Variants in RNGTT observed in about 807,000 individuals in gnomAD.
RNGTT encodes RNA guanylyltransferase and 5'-phosphatase, also known as mRNA-capping enzyme.
A neutral mutation model predicts 79.3 loss-of-function variants in RNGTT; 33 were observed. That is an observed-to-expected ratio of 0.42 (90% CI 0.32 to 0.56). The LOEUF (loss-of-function observed/expected upper bound fraction) is 0.56, where lower values mean the gene tolerates loss of function less well. Among genes scored for constraint, RNGTT ranks in the 20% least tolerant of loss-of-function variants. The pLI is 0.17. For missense variants in RNGTT, 497 were observed against 739.1 expected, an observed-to-expected ratio of 0.67 and a Z score of 3.80; for synonymous variants, 222 against 235.9, an observed-to-expected ratio of 0.94 and a Z score of 0.54.
chr6:88,780,632 C>CA (rs36026829), intron 12 of RNGTT, among the ~76,000 whole-genome samples: 9,723 of 150,590 alleles, frequency 0.065, 1,057 homozygotes, highest in African/African-American at 0.22. Context: ...GGTGAGCTGT[C>CA]AAAAAAAAAC....
intron 14 of RNGTT, among the ~76,000 whole-genome samples, chr6:88,636,559 A>G (rs1356665183): frequency 6.6e-6 from 1 of 151,714 alleles, no homozygotes; most frequent in Non-Finnish European, 1.5e-5. Context: ...GGCTTTAAAT[A>G]TTTTCACCTT....
At chr6:88,626,156 T>C (rs1772625329) in intron 14 of RNGTT, among the ~76,000 whole-genome samples, 1 of 152,048 alleles carries the variant, frequency 6.6e-6, no homozygotes, top group Non-Finnish European at 1.5e-5. Context: ...AAGCATATTG[T>C]ATCCCTACTA....
chr6:88,767,180 T>C (rs1245054661), intron 13 of RNGTT, among the ~76,000 whole-genome samples: 2 of 152,286 alleles, frequency 1.3e-5, no homozygotes, highest in South Asian at 2.1e-4. Flanking sequence ...CATACACTGA[T>C]GTAAATTGCA....
chr6:88,654,190 GT>G, intron 14 of RNGTT, among the ~76,000 whole-genome samples: 1 of 152,242 alleles, frequency 6.6e-6, no homozygotes, highest in African/African-American at 2.4e-5. Context: ...TATCCATAAG[GT>G]TTTCCTTTAA....
chr6:88,896,836 A>G (rs946375415), intron 6 of RNGTT, among the ~76,000 whole-genome samples: 5 of 152,164 alleles, frequency 3.3e-5, no homozygotes, highest in African/African-American at 1.2e-4. Flanking sequence ...AACCTCTATC[A>G]TTATATTGGT....
chr6:88,674,306 C>A (rs369125537), intron 14 of RNGTT, among the ~76,000 whole-genome samples: 3 of 152,028 alleles, frequency 2.0e-5, no homozygotes, highest in African/African-American at 4.8e-5. Context: ...CCGGCACTTT[C>A]GGAGGCTGAG....
In RNGTT at chr6:88,649,088, A is replaced by G. The variant is rs181685244; in HGVS notation, c.1506+29265T>C. Among the ~76,000 whole-genome samples the G allele has an allele frequency of 1.9e-3, 290 of 152,322 alleles. 4 individuals are homozygous for G. Among genetic ancestry groups the G allele is most frequent in the African/African-American group, 6.8e-3 (284 of 41,578 alleles). On this transcript the variant is annotated intron_variant, in intron 14 of 15. Transcript: ENST00000369485. ...GCAAGGAAAAAAACTTGGCTTTGTT[A>G]TATGTCATTTCTCTTAAAGTCACAG... is the stretch of plus-strand genomic sequence containing the variant.
At chr6:88,806,468 C>A (rs1056925653) in intron 11 of RNGTT, among the ~76,000 whole-genome samples, 2 of 151,950 alleles carry the variant, frequency 1.3e-5, no homozygotes, top group Non-Finnish European at 2.9e-5. Context: ...AGGCGCGCAC[C>A]ACCACACCTG....
At chr6:88,647,877 A>G (rs982199580) in intron 14 of RNGTT, among the ~76,000 whole-genome samples, 1 of 151,594 alleles carries the variant, frequency 6.6e-6, no homozygotes, top group Non-Finnish European at 1.5e-5. Context: ...TTGATTTTAA[A>G]CTCTTAAGAC....
chr6:88,648,208 G>C (rs1174490586), intron 14 of RNGTT, among the ~76,000 whole-genome samples: 1 of 152,040 alleles, frequency 6.6e-6, no homozygotes, highest in Non-Finnish European at 1.5e-5. Flanking sequence ...AGGAATCCAG[G>C]ACCCTTCTGT....
At chr6:88,716,171 T>C (rs1221418157) in intron 13 of RNGTT, among the ~76,000 whole-genome samples, 2 of 151,866 alleles carry the variant, frequency 1.3e-5, no homozygotes. Context: ...TGAACAGACA[T>C]TTCTCAAAAG....
intron 6 of RNGTT, among the ~76,000 whole-genome samples, chr6:88,901,493 A>ATTTTTT (rs1562310733): frequency 2.0e-5 from 2 of 97,562 alleles, no homozygotes; most frequent in African/African-American, 9.0e-5. Flanking sequence ...AAGCACCCTG[A>ATTTTTT]TCTTTTTTTT....
At position 88,678,477 on chromosome 6, in the gene RNGTT, T is replaced by C. The variant is rs139101801; in HGVS notation, c.1440-58A>G. ...ACTCCTTCTTATAAATAAGGTTGTATAATTATCAAAATTTGAATAATAGAT... is the reference window on the plus strand; with the variant it reads ...ACTCCTTCTTATAAATAAGGTTGTACAATTATCAAAATTTGAATAATAGAT... On this transcript the variant is annotated intron_variant, in intron 13 of 15. Transcript: ENST00000369485. The C allele has an allele frequency of 6.7e-4, 779 of 1,168,210 alleles. 5 individuals carry two copies. The African/African-American group carries it at 0.011, about 16-fold the overall frequency. The allele number at this position is 1,168,210 out of a possible 1,614,324, so 72.4% of individuals were successfully genotyped here.
chr6:88,793,639 C>A (rs1351429382), intron 12 of RNGTT, among the ~76,000 whole-genome samples: 1 of 152,028 alleles, frequency 6.6e-6, no homozygotes, highest in African/African-American at 2.4e-5. Context: ...CCGAGGTGGG[C>A]AAATCACTTG....
intron 8 of RNGTT, among the ~76,000 whole-genome samples, chr6:88,858,039 G>C (rs1041818412): frequency 6.6e-5 from 10 of 152,012 alleles, no homozygotes; most frequent in South Asian, 2.1e-4. Flanking sequence ...CTTGTTCTTT[G>C]TACCACAGTG....
intron 13 of RNGTT, among the ~76,000 whole-genome samples, chr6:88,710,318 A>AT (rs1335355051): frequency 6.6e-6 from 1 of 152,218 alleles, no homozygotes; most frequent in Non-Finnish European, 1.5e-5. Flanking sequence ...TATGTATTTA[A>AT]ATATACTGTA....
At chr6:88,622,074 C>T (rs1316231215) in intron 14 of RNGTT, among the ~76,000 whole-genome samples, 1 of 152,102 alleles carries the variant, frequency 6.6e-6, no homozygotes, top group Non-Finnish European at 1.5e-5. Flanking sequence ...TTGCTCAGCT[C>T]CTCAGAACAC....
intron 8 of RNGTT, among the ~76,000 whole-genome samples, chr6:88,880,689 G>A (rs1782669517): frequency 6.6e-6 from 1 of 151,792 alleles, no homozygotes; most frequent in Admixed American, 6.6e-5. Context: ...AAACCATTTG[G>A]TTTTTACCTA....
At chr6:88,712,454 T>C (rs923852080) in intron 13 of RNGTT, among the ~76,000 whole-genome samples, 10 of 152,204 alleles carry the variant, frequency 6.6e-5, no homozygotes, top group African/African-American at 2.4e-4. Context: ...TACAGGCACA[T>C]ATCACCATGT....
Sources: allele counts gnomAD v4.1 joint callset (sites outside exome capture counted in the v4.1 genomes callset), GRCh38; gene constraint gnomAD v4.1.1; transcripts MANE v1.5; gene names NCBI Gene and HGNC (gene_info 2026-07-23, HGNC 2026-07-21).